CR1: variants seen among roughly 807,000 people sequenced by gnomAD.
The protein encoded by CR1 is complement receptor type 1.
A neutral mutation model predicts 187.3 loss-of-function variants in CR1; 116 were observed. That is an observed-to-expected ratio of 0.62 (90% confidence interval 0.53 to 0.72). CR1 has a LOEUF of 0.72. Among genes scored for constraint, CR1 ranks in the 30% least tolerant of loss-of-function variants. The pLI is 0.00. For missense variants in CR1, 1,731 were observed against 2,110.7 expected, an observed-to-expected ratio of 0.82 and a Z score of 3.52; for synonymous variants, 576 against 747.1, an observed-to-expected ratio of 0.77 and a Z score of 3.73.
chr1:207,614,041 T>A (rs1558268364), intron 39 of CR1, among the ~76,000 whole-genome samples: 1 of 152,196 alleles, frequency 6.6e-6, no homozygotes, highest in Non-Finnish European at 1.5e-5. Context: ...GAGCCATCAG[T>A]GAAAGATGAC....
Position 207,611,968 on chromosome 1 carries a change from C to G in CR1, c.6502C>G (p.Leu2168Val), listed in dbSNP as rs369825592. The change falls in exon 39 of 47, where the codon CTC becomes GTC. Residue 2168 changes from leucine (L) to valine (V), a missense_variant. This residue lies in a region of CR1 where 1,312 missense variants were observed against 1,379.6 expected (regional missense o/e 0.95). Transcript: ENST00000367049. ...VKSCDDFLGQ[L>V]PHGRVLLPLN... ...ATCCTGTGATGACTTCCTGGGCCAA[C>G]TCCCTCATGGCCGTGTGCTACTTCC... The G allele has an allele frequency of 1.9e-6, 3 of 1,614,026 alleles. No individual in the cohort carries two copies. The Admixed American group carries it at 5.0e-5, about 27-fold the overall frequency.
In CR1 at chr1:207,523,953, G is replaced by C; in HGVS notation, c.830G>C (p.Arg277Pro). 2 of 1,611,782 alleles carry C rather than the reference G, an allele frequency of 1.2e-6. No individual in the cohort carries two copies. Among genetic ancestry groups the C allele is most frequent in the South Asian group, 1.1e-5 (1 of 90,994 alleles). Residue 277 changes from arginine (R) to proline (P), a missense_variant, in exon 5 of 47, where the codon CGT (arginine) becomes CCT (proline). Transcript: ENST00000367049. ...GGCTTTGTCATGAAAGGACCCCGCCGTGTGAAGTGCCAGGCCCTGAACAAA... is the reference window on the plus strand; with the variant it reads ...GGCTTTGTCATGAAAGGACCCCGCCCTGTGAAGTGCCAGGCCCTGAACAAA... Reference protein sequence around the residue: ...QPGFVMKGPRRVKCQALNKWE... With the variant: ...QPGFVMKGPRPVKCQALNKWE...
At chr1:207,589,598 G>C (rs888467212) in intron 35 of CR1, among the ~76,000 whole-genome samples, 2 of 152,120 alleles carry the variant, frequency 1.3e-5, no homozygotes, top group African/African-American at 4.8e-5. Context: ...AACAAAACTG[G>C]GTGGAGAATG....
chr1:207,575,451 G>T, intron 27 of CR1, 144 bp from the exon 28 acceptor site: 1 of 994,766 alleles, frequency 1.0e-6, no homozygotes, highest in Non-Finnish European at 1.5e-6. Context: ...AAAAGAAATA[G>T]AAGAGCTGGA....
chr1:207,607,474 C>A (rs1174926394), intron 36 of CR1, 138 bp downstream of exon 36: 1 of 649,450 alleles, frequency 1.5e-6, no homozygotes, highest in Non-Finnish European at 2.7e-6. Context: ...GCTTCATGGT[C>A]TTCCTGGCTT....
chr1:207,605,904 T>G (rs185983431), intron 35 of CR1: 1 of 152,200 alleles, frequency 6.6e-6, no homozygotes, highest in South Asian at 2.1e-4. Context: ...ACATTGACGG[T>G]CATTGCCATA....
Position 207,588,695 on chromosome 1 carries a change from C to T in CR1, c.5731C>T (p.Pro1911Ser), listed in dbSNP as rs994545485. ...NCRRKSCGPP[P>S]EPFNGMVHIN... ...CCTAGGAAAATCATGTGGACCTCCA[C>T]CAGAACCCTTCAATGGAATGGTGCA... Residue 1911 changes from proline (P) to serine (S), a missense_variant, in exon 35 of 47, where the codon CCA becomes TCA. Pro to Ser is a moderately conservative substitution (Grantham distance 74). Around this residue, in one of 5 missense-constraint regions of CR1, gnomAD observed 1,312 missense variants for 1,379.6 expected, o/e 0.95. Coordinates refer to ENST00000367049, the MANE Select transcript of CR1 (RefSeq NM_000651.6). 5 of 1,612,626 alleles carry T rather than the reference C, an allele frequency of 3.1e-6. No individual in the cohort carries two copies. The highest frequency in any genetic ancestry group is 4.2e-6 in the Non-Finnish European group (5 of 1,179,230).
At chr1:207,517,579 T>G (rs1659844912) in intron 4 of CR1, among the ~76,000 whole-genome samples, 1 of 152,168 alleles carries the variant, frequency 6.6e-6, no homozygotes, top group Non-Finnish European at 1.5e-5. Context: ...ACAATTTGTG[T>G]AACATTATTT....
chr1:207,512,217 C>G (rs1436220937), intron 4 of CR1, among the ~76,000 whole-genome samples: 3 of 152,204 alleles, frequency 2.0e-5, no homozygotes, highest in East Asian at 3.9e-4. Context: ...TTAGAGTAAC[C>G]TAAATATTTT....
intron 40 of CR1, 67 bp from the exon 41 acceptor site, chr1:207,616,508 G>A: frequency 1.3e-6 from 2 of 1,526,374 alleles, no homozygotes; most frequent in East Asian, 2.3e-5. Flanking sequence ...ACAGTCACAG[G>A]TCACTATTGT....
chr1:207,577,826 C>A lies in CR1; in HGVS notation c.4559C>A (p.Pro1520Gln). The A allele has an allele frequency of 6.2e-7, 1 of 1,613,914 alleles. No homozygotes were observed. The highest frequency in any genetic ancestry group is 1.3e-5 in the African/African-American group (1 of 75,030). Residue 1520 changes from proline to glutamine, a missense_variant, in exon 29 of 47, where the codon CCA becomes CAA. Physicochemically the swap from Pro to Gln is moderately conservative, Grantham distance 76. Transcript: ENST00000367049. ...CCAGGAATTCCTTGTGGGCTACCCC[C>A]AACCATCGCCAATGGAGATTTCATT... ...ICQRIPCGLP[P>Q]TIANGDFIST...
At chr1:207,605,076 T>TGGCAAAAC (rs915465308) in intron 35 of CR1, among the ~76,000 whole-genome samples, 1 of 151,732 alleles carries the variant, frequency 6.6e-6, no homozygotes, top group African/African-American at 2.4e-5. Flanking sequence ...CTGGGCAAAA[T>TGGCAAAAC]GGCAAAACCC....
rs1558227033 is a variant in CR1 at position 207,523,904 on chromosome 1, GT to G, written c.783del (p.Val262TrpfsTer11). On this transcript the variant is annotated frameshift_variant, in exon 5 of 47. Transcript: ENST00000367049. LOFTEE classifies it high-confidence loss of function. ...CAGAAGCTTATTTTCCTTAAATGAA[GT>G]TGTGGAGTTTAGGTGTCAGCCTGGC... Reference protein sequence around the residue: ...DNRSLFSLNEVVEFRCQPGFV... With the variant: ...DNRSLFSLNEXVEFRCQPGFV... 2 of 1,610,544 alleles carry G rather than the reference GT, an allele frequency of 1.2e-6. No individual in the cohort carries two copies. Among genetic ancestry groups the G allele is most frequent in the Admixed American group, 1.7e-5 (1 of 59,910 alleles).
intron 28 of CR1, 30 bp downstream of exon 28, chr1:207,575,710 C>A: frequency 6.2e-7 from 1 of 1,611,636 alleles, no homozygotes; most frequent in South Asian, 1.1e-5. Context: ...CCCATTCACC[C>A]CACCATTGAA....
intron 3 of CR1, among the ~76,000 whole-genome samples, chr1:207,508,199 A>C (rs1442168407): frequency 6.6e-6 from 1 of 152,216 alleles, no homozygotes; most frequent in African/African-American, 2.4e-5. Flanking sequence ...ACTACTCTGT[A>C]TGATGCCATA....
chr1:207,497,331 T>G (rs924935794), intron 1 of CR1, among the ~76,000 whole-genome samples: 3 of 152,182 alleles, frequency 2.0e-5, no homozygotes, highest in African/African-American at 7.2e-5. Context: ...AACCCTTCTA[T>G]TATTATTTTT....
At chr1:207,609,834 T>A in intron 37 of CR1, 146 bp downstream of exon 37, 1 of 880,434 alleles carries the variant, frequency 1.1e-6, no homozygotes, top group Non-Finnish European at 1.6e-6. Context: ...CTGTTAATAA[T>A]TGTCTCAAAG....
chr1:207,520,968 GTTTTTTTTTTTTTTT>G (rs141546660), intron 4 of CR1, among the ~76,000 whole-genome samples: 1 of 44,568 alleles, frequency 2.2e-5, no homozygotes, highest in African/African-American at 1.0e-4. Context: ...TTTTTTGGTT[GTTTTTTTTTTTTTTT>G]TTTTTTTTTT....
intron 4 of CR1, among the ~76,000 whole-genome samples, chr1:207,522,665 C>T (rs1242936493): frequency 6.6e-6 from 1 of 152,180 alleles, no homozygotes; most frequent in Non-Finnish European, 1.5e-5. Flanking sequence ...TCCAGTATTT[C>T]TAGCCTTTCT....
Sources: gnomAD v4.1 joint callset for allele counts (sites outside exome capture counted in the v4.1 genomes callset) on GRCh38, gnomAD v4.1.1 for gene constraint, gnomAD v4.1.1 regional missense constraint, MANE v1.5 for transcripts, NCBI Gene and HGNC (gene_info 2026-07-23, HGNC 2026-07-21) for gene names.